Variants in SEZ6L observed in about 807,000 individuals in gnomAD.
The protein encoded by SEZ6L is seizure 6-like protein.
Under a neutral mutation model 106.2 loss-of-function variants are expected in SEZ6L, and 37 were observed. The observed-to-expected ratio is 0.35, with a 90% CI of 0.27 to 0.46. The LOEUF (loss-of-function observed/expected upper bound fraction) is 0.46. SEZ6L is among the 20% of genes least tolerant of loss of function. The pLI, the probability that SEZ6L is intolerant of heterozygous loss-of-function variation, is 1.00. For synonymous variants in SEZ6L, 541 were observed against 570.4 expected, an observed-to-expected ratio of 0.95 and a Z score of 0.73; for missense variants, 1,172 against 1,332.8, an observed-to-expected ratio of 0.88 and a Z score of 1.88.
intron 1 of SEZ6L, among the ~76,000 whole-genome samples, chr22:26,193,256 A>G (rs1261344761): frequency 6.6e-6 from 1 of 152,258 alleles, no homozygotes; most frequent in Non-Finnish European, 1.5e-5. Flanking sequence ...CCAGTTTGTC[A>G]CTGGAAAAAA....
intron 1 of SEZ6L, among the ~76,000 whole-genome samples, chr22:26,175,488 G>A (rs192244615): frequency 4.3e-4 from 65 of 152,218 alleles, no homozygotes; most frequent in Middle Eastern, 6.8e-3. Flanking sequence ...GAGAAAGACC[G>A]TTTCACCATT....
chr22:26,318,778 TTATTTATC>T (rs1043111951), intron 9 of SEZ6L, among the ~76,000 whole-genome samples: 2 of 152,100 alleles, frequency 1.3e-5, no homozygotes, highest in African/African-American at 2.4e-5. Context: ...AGGGAGATAT[TTATTTATC>T]TATTTATCTA....
At chr22:26,328,165 T>C (rs1349444449) in intron 9 of SEZ6L, among the ~76,000 whole-genome samples, 1 of 152,190 alleles carries the variant, frequency 6.6e-6, no homozygotes, top group Admixed American at 6.5e-5. Flanking sequence ...CTGGGGAAAC[T>C]GAGACCCGGG....
At chr22:26,297,540 GC>G (rs906875707) in intron 4 of SEZ6L, among the ~76,000 whole-genome samples, 23 of 152,274 alleles carry the variant, frequency 1.5e-4, no homozygotes, top group African/African-American at 5.3e-4. Context: ...AAATAAGCAA[GC>G]AGCTTTCCTT....
At chr22:26,214,049 T>G (rs2078232853) in intron 1 of SEZ6L, among the ~76,000 whole-genome samples, 1 of 152,246 alleles carries the variant, frequency 6.6e-6, no homozygotes, top group Non-Finnish European at 1.5e-5. Flanking sequence ...CACACATTGC[T>G]TAATAACCAG....
rs148717507 is a variant in SEZ6L, at chr22:26,313,733, G to T, written c.1877-31G>T. 2.6e-4 allele frequency: 420 copies of T among 1,593,206 alleles called. 3 individuals are homozygous for T. The African/African-American group carries it at 5.0e-3, about 19-fold the overall frequency. ...CCACATTGACTTCTTTACAAATAAA[G>T]TCCGTCTTCTTGCCTGTCTGTCTTT... On this transcript the variant is annotated intron_variant, in intron 8 of 16. Transcript: ENST00000248933.
chr22:26,312,070 C>T lies in SEZ6L; in HGVS notation c.1876+108C>T, dbSNP rs117773814. The T allele has an allele frequency of 3.0e-3, 3,352 of 1,121,568 alleles. 105 individuals are homozygous for T. The East Asian group carries it at 0.062, about 21-fold the overall frequency. The allele number at this position is 1,121,568 out of a possible 1,614,324, so 69.5% of individuals were successfully genotyped here. ...GGCCTGTCCCCAGTTTTCATACCAA[C>T]TTTAGGATTAGAACCCTTTCCAGGG... On this transcript the variant is annotated intron_variant, in intron 8 of 16. Transcript: ENST00000248933.
At chr22:26,294,933 C>CTCTTTCTTTCTTTCTTTCTTTCTTTCTT (rs35822818) in intron 3 of SEZ6L, among the ~76,000 whole-genome samples, 2 of 73,784 alleles carry the variant, frequency 2.7e-5, no homozygotes, top group African/African-American at 1.1e-4. Context: ...CTTTCTCTTT[C>CTCTTTCTTTCTTTCTTTCTTTCTTTCTT]TCTTTCTTTC....
intron 5 of SEZ6L, among the ~76,000 whole-genome samples, chr22:26,304,795 C>T (rs1190572955): frequency 6.6e-6 from 1 of 152,028 alleles, no homozygotes; most frequent in Non-Finnish European, 1.5e-5. Flanking sequence ...GAGCATCTTC[C>T]TATATGCTGA....
rs1315793046 is a variant in SEZ6L, at chr22:26,292,483, G to A, written c.172G>A (p.Gly58Ser). 2 of 1,613,984 alleles carry A rather than the reference G, an allele frequency of 1.2e-6. No individual in the cohort carries two copies. Among genetic ancestry groups the A allele is most frequent in the Admixed American group, 3.3e-5 (2 of 60,002 alleles). ...AGGAGCCCCGGAGAGAGGCAGTCCTGGCAAAGAGCACCCTGAAGAGAGAGT... is the reference window on the plus strand; with the variant it reads ...AGGAGCCCCGGAGAGAGGCAGTCCTAGCAAAGAGCACCCTGAAGAGAGAGT... ...PSGAPERGSP[G>S]KEHPEERVVT... Residue 58 changes from glycine to serine, a missense_variant, in exon 2 of 17, where the codon GGC becomes AGC. Transcript: ENST00000248933.
intron 1 of SEZ6L, among the ~76,000 whole-genome samples, chr22:26,194,633 G>T (rs1176124724): frequency 6.6e-6 from 1 of 152,226 alleles, no homozygotes; most frequent in Non-Finnish European, 1.5e-5. Context: ...GGATCATGGG[G>T]AAGAGATGTT....
At chr22:26,303,301 G>A (rs1031713831) in intron 5 of SEZ6L, among the ~76,000 whole-genome samples, 17 of 152,146 alleles carry the variant, frequency 1.1e-4, no homozygotes, top group Non-Finnish European at 2.2e-4. Flanking sequence ...GTTATCCACC[G>A]TTCTCTGCTA....
chr22:26,174,749 G>C (rs954521714), intron 1 of SEZ6L, among the ~76,000 whole-genome samples: 2 of 152,174 alleles, frequency 1.3e-5, no homozygotes, highest in Non-Finnish European at 2.9e-5. Context: ...TTGAGGAAAG[G>C]GTAAAAGTAT....
At chr22:26,349,319 A>G (rs1227137531) in intron 11 of SEZ6L, among the ~76,000 whole-genome samples, 1 of 152,244 alleles carries the variant, frequency 6.6e-6, no homozygotes, top group African/African-American at 2.4e-5. Flanking sequence ...CTGTCTTGAC[A>G]TTGAAAGACA....
chr22:26,361,548 G>A (rs5761494), intron 12 of SEZ6L, among the ~76,000 whole-genome samples: 111,765 of 148,600 alleles, frequency 0.75, 43,276 homozygotes, highest in East Asian at 0.97. Context: ...TGTATTAAGT[G>A]AACAACAGTA....
chr22:26,204,571 GC>G (rs1199459711), intron 1 of SEZ6L, among the ~76,000 whole-genome samples: 1 of 152,250 alleles, frequency 6.6e-6, no homozygotes, highest in Non-Finnish European at 1.5e-5. Context: ...GCATTCTGAT[GC>G]CAGAGCCTTT....
chr22:26,300,959 T>A (rs1285341595), intron 5 of SEZ6L, among the ~76,000 whole-genome samples: 1 of 152,262 alleles, frequency 6.6e-6, no homozygotes, highest in Non-Finnish European at 1.5e-5. Context: ...ACAAAGCTTT[T>A]ACATTTGGCA....
At chr22:26,319,793 C>T (rs1052930446) in intron 9 of SEZ6L, among the ~76,000 whole-genome samples, 1 of 152,154 alleles carries the variant, frequency 6.6e-6, no homozygotes, top group Admixed American at 6.5e-5. Context: ...CTGCCGTAAC[C>T]CTAATATATA....
At chr22:26,197,152 T>TG (rs748386206) in intron 1 of SEZ6L, among the ~76,000 whole-genome samples, 21 of 147,486 alleles carry the variant, frequency 1.4e-4, no homozygotes, top group Admixed American at 4.8e-4. Flanking sequence ...CAGAATTATT[T>TG]GTTTTTTTTT....
Sources: gnomAD v4.1 joint callset for allele counts (sites outside exome capture counted in the v4.1 genomes callset) on GRCh38, gnomAD v4.1.1 for gene constraint, MANE v1.5 for transcripts, NCBI Gene and HGNC (gene_info 2026-07-23, HGNC 2026-07-21) for gene names.